JAKMIP1: variants seen among roughly 807,000 people sequenced by gnomAD.
JAKMIP1 encodes the protein janus kinase and microtubule interacting protein 1.
In JAKMIP1, 33 loss-of-function variants were observed where a neutral mutation model predicts 113.0. The observed-to-expected ratio is 0.29, with a 90% confidence interval of 0.22 to 0.39. The LOEUF (loss-of-function observed/expected upper bound fraction) is 0.39, where lower values mean the gene tolerates loss of function less well. Ranked by LOEUF, JAKMIP1 falls within the 10% of genes least tolerant of loss-of-function variation. JAKMIP1 has a pLI of 1.00. For synonymous variants in JAKMIP1, 480 were observed against 459.9 expected, an observed-to-expected ratio of 1.04 and a Z score of -0.56; for missense variants, 813 against 1,080.5, an observed-to-expected ratio of 0.75 and a Z score of 3.47.
intron 20 of JAKMIP1, among the ~76,000 whole-genome samples, chr4:6,026,787 C>A (rs1425082205): frequency 2.6e-5 from 4 of 152,306 alleles, no homozygotes; most frequent in East Asian, 3.9e-4. Flanking sequence ...TACCCACAGG[C>A]CCCATGTGGC....
intron 12 of JAKMIP1, among the ~76,000 whole-genome samples, chr4:6,055,948 C>T (rs1178766393): frequency 6.7e-6 from 1 of 149,904 alleles, no homozygotes; most frequent in African/African-American, 2.5e-5. Context: ...CGGGGCAGCT[C>T]TCCCAATTTC....
rs190043641 is a variant in JAKMIP1 at position 6,031,016 on chromosome 4, T to C, written c.2380-1235A>G. On this transcript the variant is annotated intron_variant, in intron 19 of 20. Transcript: ENST00000409021. The surrounding 1 kb of genome is among the most constrained non-coding windows in gnomAD (Gnocchi z 4.4). ...CTCAGTAAATAGGACTCCATATGCC[T>C]GGGCCTGTTCCAGTCCTGGAGAGAA... Among the ~76,000 whole-genome samples, 1 of 152,350 alleles carries C rather than the reference T, an allele frequency of 6.6e-6. No homozygotes were observed. Among genetic ancestry groups the C allele is most frequent in the Non-Finnish European group, 1.5e-5 (1 of 68,030 alleles).
Position 6,026,285 on chromosome 4 carries a change from A to C in JAKMIP1, c.2446-7T>G. 1 of 1,253,166 alleles carries C rather than the reference A, an allele frequency of 8.0e-7. No homozygotes were observed. The highest frequency in any genetic ancestry group is 1.1e-6 in the Non-Finnish European group (1 of 882,832). 77.6% of individuals were successfully genotyped at this position (1,253,166 alleles called of 1,614,324 possible). On this transcript the variant is annotated splice_polypyrimidine_tract_variant and splice_region_variant and intron_variant, in intron 20 of 20. Coordinates refer to ENST00000409021, the MANE Select transcript of JAKMIP1 (RefSeq NM_001099433.2). ...ACAAAAAAAGGAACAAAAACTATAAAATAATACCAAAAGAAAATGAGGAAA... is the reference window on the plus strand; with the variant it reads ...ACAAAAAAAGGAACAAAAACTATAACATAATACCAAAAGAAAATGAGGAAA...
In JAKMIP1 at chr4:6,097,202, G is replaced by T. The variant is rs1399977789; in HGVS notation, c.624+8271C>A. Among the ~76,000 whole-genome samples the T allele has an allele frequency of 6.6e-6, 1 of 152,114 alleles. No individual in the cohort carries two copies. Among genetic ancestry groups the T allele is most frequent in the Non-Finnish European group, 1.5e-5 (1 of 68,022 alleles). On this transcript the variant is annotated intron_variant, in intron 3 of 20. Transcript: ENST00000409021. The surrounding 1 kb of genome is among the most constrained non-coding windows in gnomAD (Gnocchi z 4.3). ...TTTTTTGTAGAGGCAAGACCTCACT[G>T]CCCAGGATGGTCTCAAACTCTCAGC...
chr4:6,063,894 G>A (rs1184285658), intron 9 of JAKMIP1, among the ~76,000 whole-genome samples: 3 of 152,244 alleles, frequency 2.0e-5, no homozygotes, highest in Non-Finnish European at 4.4e-5. Flanking sequence ...AAGCTGTGGG[G>A]TGCAGCACAG....
At chr4:6,125,902 C>CACACACCATACACACCATGTAGAA (rs1717449413) in intron 1 of JAKMIP1, among the ~76,000 whole-genome samples, 2 of 24,860 alleles carry the variant, frequency 8.0e-5, no homozygotes, top group Non-Finnish European at 6.5e-5. Flanking sequence ...CAGAAACACA[C>CACACACCATACACACCATGTAGAA]ACACACACCA....
chr4:6,044,364 TGAACAGAGGGGACTA>T lies in JAKMIP1; in HGVS notation c.2029-2152_2029-2138del, dbSNP rs1351937651. ...GCAGGTTGGTGGGGTGTGTGCTGCCTGAACAGAGGGGACTAGAACTGATCGGCTCCTGCCACAGAA... is the reference window on the plus strand; with the variant it reads ...GCAGGTTGGTGGGGTGTGTGCTGCCTGAACTGATCGGCTCCTGCCACAGAA... On this transcript the variant is annotated intron_variant, in intron 16 of 20. Transcript: ENST00000409021. This position sits in a 1 kb window ranked among gnomAD's most constrained non-coding sequence, Gnocchi z 4.4. 6.6e-6 allele frequency among the ~76,000 whole-genome samples: 1 copy of T among 152,090 alleles called. No individual in the cohort carries two copies. Among genetic ancestry groups the T allele is most frequent in the Non-Finnish European group, 1.5e-5 (1 of 68,018 alleles).
intron 1 of JAKMIP1, among the ~76,000 whole-genome samples, chr4:6,160,368 T>C (rs1289809289): frequency 6.6e-6 from 1 of 152,196 alleles, no homozygotes; most frequent in East Asian, 1.9e-4. Flanking sequence ...GACGATCCCA[T>C]TTATAACCAA....
chr4:6,173,134 G>A (rs922482041), intron 1 of JAKMIP1, among the ~76,000 whole-genome samples: 1 of 152,198 alleles, frequency 6.6e-6, no homozygotes, highest in Non-Finnish European at 1.5e-5. Flanking sequence ...AAGTTCAGGA[G>A]ATTTCACCTC....
chr4:6,087,337 G>C (rs1175979287), intron 3 of JAKMIP1, among the ~76,000 whole-genome samples: 1 of 151,998 alleles, frequency 6.6e-6, no homozygotes, highest in African/African-American at 2.4e-5. Context: ...GTAAAATATG[G>C]ACAATAGGAA....
intron 13 of JAKMIP1, 27 bp downstream of exon 13, chr4:6,054,023 G>C: frequency 6.2e-7 from 1 of 1,614,124 alleles, no homozygotes; most frequent in South Asian, 1.1e-5. Flanking sequence ...CTCCGTTTGA[G>C]AGTTTACAAC....
At chr4:6,090,963 T>G (rs1721989134) in intron 3 of JAKMIP1, among the ~76,000 whole-genome samples, 1 of 152,244 alleles carries the variant, frequency 6.6e-6, no homozygotes, top group Admixed American at 6.5e-5. Context: ...CACCCCAGGT[T>G]GACCATAACC....
chr4:6,045,102 T>G (rs1714816598), intron 16 of JAKMIP1, among the ~76,000 whole-genome samples: 1 of 152,196 alleles, frequency 6.6e-6, no homozygotes, highest in South Asian at 2.1e-4. Context: ...TCATCTCTCC[T>G]CCCTCCCTTT....
At chr4:6,105,094 G>T (rs7680061) in intron 3 of JAKMIP1, among the ~76,000 whole-genome samples, 98,854 of 152,116 alleles carry the variant, frequency 0.65, 33,198 homozygotes, top group East Asian at 0.98. Context: ...CAATTTATAT[G>T]TTTCCCTTGC....
At chr4:6,079,545 G>A (rs80081266) in intron 7 of JAKMIP1, among the ~76,000 whole-genome samples, 3 of 152,184 alleles carry the variant, frequency 2.0e-5, no homozygotes, top group Middle Eastern at 3.2e-3. Context: ...AGCAGAACAC[G>A]TTCTACTTCT....
intron 8 of JAKMIP1, among the ~76,000 whole-genome samples, chr4:6,077,946 C>A (rs1719915584): frequency 1.3e-5 from 2 of 152,188 alleles, no homozygotes; most frequent in South Asian, 2.1e-4. Flanking sequence ...TTGCCACAGT[C>A]CCCACCATTC....
At chr4:6,046,806 A>C (rs1715060487) in intron 16 of JAKMIP1, among the ~76,000 whole-genome samples, 1 of 152,190 alleles carries the variant, frequency 6.6e-6, no homozygotes, top group Non-Finnish European at 1.5e-5. Flanking sequence ...GGAGGGGTAC[A>C]TCAGGAACGG....
intron 12 of JAKMIP1, 109 bp downstream of exon 12, chr4:6,056,588 G>A (rs915370437): frequency 1.0e-5 from 8 of 789,772 alleles, no homozygotes; most frequent in African/African-American, 8.5e-5. Context: ...CGAGGCCCTG[G>A]TCACTGGAGT....
At chr4:6,149,534 G>A (rs180844352) in intron 1 of JAKMIP1, among the ~76,000 whole-genome samples, 4 of 152,284 alleles carry the variant, frequency 2.6e-5, no homozygotes, top group East Asian at 1.9e-4. Flanking sequence ...ACTCGCACTC[G>A]AAATCCCAGT....
Sources: gnomAD v4.1 joint callset for allele counts (sites outside exome capture counted in the v4.1 genomes callset) on GRCh38, gnomAD v4.1.1 for gene constraint, Gnocchi (gnomAD v3.1) non-coding constraint, MANE v1.5 for transcripts, NCBI Gene and HGNC (gene_info 2026-07-23, HGNC 2026-07-21) for gene names.